The following NRK variants were observed in gnomAD, a reference collection of about 807,000 sequenced individuals.
NRK encodes the protein Nik related kinase, also known as nik-related protein kinase.
NRK carries 67 observed loss-of-function variants against 125.2 expected under a neutral mutation model. That is an observed-to-expected ratio of 0.54 (90% CI 0.44 to 0.66). NRK has a LOEUF of 0.66. Among genes scored for constraint, NRK ranks in the 30% least tolerant of loss-of-function variants. The pLI, the probability that NRK is intolerant of heterozygous loss-of-function variation, is 0.00. For synonymous variants in NRK, 458 were observed against 429.0 expected, an observed-to-expected ratio of 1.07 and a Z score of -0.84; for missense variants, 1,224 against 1,192.9, an observed-to-expected ratio of 1.03 and a Z score of -0.38.
intron 17 of NRK, 118 bp downstream of exon 17, chrX:105,922,179 A>G (rs1296036548): frequency 2.6e-6 from 1 of 384,376 alleles, no homozygotes; most frequent in Non-Finnish European, 4.6e-6. Context: ...TTTAATTAAC[A>G]TTTTAAGGAT....
At chrX:105,924,626 T>C in intron 18 of NRK, 69 bp from the exon 19 acceptor site, 1 of 901,506 alleles carries the variant, frequency 1.1e-6, no homozygotes, top group Non-Finnish European at 1.6e-6. Context: ...CTAATTCTGT[T>C]GTACTTGCTA....
At chrX:105,851,265 T>C (rs780793752) in intron 2 of NRK, among the ~76,000 whole-genome samples, 133 of 112,480 alleles carry the variant, frequency 1.2e-3, no homozygotes, top group African/African-American at 4.0e-3. Flanking sequence ...AAGATTTGGA[T>C]TGGGAACCAC....
At chrX:105,853,326 G>C (rs1036732407) in intron 2 of NRK, among the ~76,000 whole-genome samples, 2 of 111,964 alleles carry the variant, frequency 1.8e-5, no homozygotes, top group East Asian at 2.8e-4. Flanking sequence ...TCCGATGCAT[G>C]CACCAGATTG....
intron 5 of NRK, among the ~76,000 whole-genome samples, chrX:105,892,155 A>G (rs1265257765): frequency 8.9e-6 from 1 of 111,846 alleles, no homozygotes; most frequent in Non-Finnish European, 1.9e-5. Context: ...TGGTGCTTAC[A>G]ATCTATTTGC....
intron 3 of NRK, 50 bp from the exon 4 acceptor site, chrX:105,881,658 A>G: frequency 1.4e-6 from 1 of 723,546 alleles, no homozygotes; most frequent in South Asian, 2.5e-5. Flanking sequence ...AGCATAAATC[A>G]TTTTTAGAGT....
chrX:105,823,035 T>A, intron 1 of NRK, 133 bp downstream of exon 1: 2 of 611,555 alleles, frequency 3.3e-6, no homozygotes, highest in South Asian at 6.2e-5. Context: ...CGGAAGGGGA[T>A]CCTGGGAGCC....
In NRK at chrX:105,935,270, A is replaced by C; in HGVS notation, c.3600A>C (p.Leu1200=). ...TCTCTCCTGCATGTAAAAAACCACT[A>C]ATCCACATGTATGAAAAGGAGTTCA... is the stretch of plus-strand genomic sequence containing the variant. ...LYVSPACKKP[L]IHMYEKEFTS... Residue 1200 remains leucine, a synonymous_variant, in exon 21 of 29, where the codon CTA becomes CTC. Coordinates refer to ENST00000243300, the MANE Select transcript of NRK (RefSeq NM_198465.4). The C allele has an allele frequency of 8.3e-7, 1 of 1,200,048 alleles. No individual in the cohort carries two copies. Among genetic ancestry groups the C allele is most frequent in the Non-Finnish European group, 1.1e-6 (1 of 885,813 alleles).
chrX:105,832,030 CAGGGACTTG>C (rs1430603721), intron 2 of NRK, among the ~76,000 whole-genome samples: 2 of 111,437 alleles, frequency 1.8e-5, no homozygotes, highest in African/African-American at 3.3e-5. Context: ...CATTATATAT[CAGGGACTTG>C]AGCATGCCCT....
intron 20 of NRK, 112 bp from the exon 21 acceptor site, chrX:105,935,058 A>C: frequency 1.8e-6 from 1 of 559,774 alleles, no homozygotes; most frequent in Non-Finnish European, 2.9e-6. Context: ...TTTAAAAAAA[A>C]TTTTTCTATA....
At chrX:105,932,145 G>A (rs769253803) in intron 19 of NRK, among the ~76,000 whole-genome samples, 3 of 111,457 alleles carry the variant, frequency 2.7e-5, no homozygotes, top group Non-Finnish European at 5.6e-5. Context: ...CCACATTGCA[G>A]CATGTATCAG....
rs2040260075 is a variant in NRK at position 105,909,147 on chromosome X, G to T, written c.1506G>T (p.Gln502His). ...AGTCCCAGGTATCCAAAAAGCAGCAGGCCCAGACCCAGACATCAGAACCAC... is the reference window on the plus strand; with the variant it reads ...AGTCCCAGGTATCCAAAAAGCAGCATGCCCAGACCCAGACATCAGAACCAC... ...QVQSQVSKKQ[Q>H]AQTQTSEPQD... The change falls in exon 13 of 29, where the codon CAG (glutamine) becomes CAT (histidine). Residue 502 changes from glutamine to histidine, a missense_variant. By Grantham distance (24) the Gln-to-His change is conservative (BLOSUM62 0). Transcript: ENST00000243300. 1 of 1,209,540 alleles carries T rather than the reference G, an allele frequency of 8.3e-7. No homozygotes were observed. Among genetic ancestry groups the T allele is most frequent in the Non-Finnish European group, 1.1e-6 (1 of 895,056 alleles).
At chrX:105,948,401 G>T (rs2040846684) in intron 26 of NRK, 1 of 225,343 alleles carries the variant, frequency 4.4e-6, no homozygotes, top group Non-Finnish European at 7.8e-6. Flanking sequence ...TTCTGAGAAA[G>T]AATATAATAA....
At chrX:105,836,246 C>G (rs1239334110) in intron 2 of NRK, among the ~76,000 whole-genome samples, 2 of 111,761 alleles carry the variant, frequency 1.8e-5, no homozygotes, top group African/African-American at 6.5e-5. Flanking sequence ...TCATCAAAAG[C>G]AAAAAGTCCA....
At chrX:105,892,017 G>C (rs1266232791) in intron 5 of NRK, among the ~76,000 whole-genome samples, 1 of 111,181 alleles carries the variant, frequency 9.0e-6, no homozygotes, top group East Asian at 2.8e-4. Flanking sequence ...TCTCCTTACT[G>C]GATATGTATT....
intron 2 of NRK, among the ~76,000 whole-genome samples, chrX:105,876,399 T>G (rs772836575): frequency 9.0e-6 from 1 of 111,149 alleles, no homozygotes; most frequent in Admixed American, 9.6e-5. Context: ...TATACAATTT[T>G]TATTTATCAA....
chrX:105,932,196 T>C (rs1256714192), intron 19 of NRK, among the ~76,000 whole-genome samples: 2 of 112,299 alleles, frequency 1.8e-5, no homozygotes, highest in Non-Finnish European at 3.8e-5. Flanking sequence ...TTTTATCTTA[T>C]GCATTCACCA....
chrX:105,840,454 A>C (rs749026761), intron 2 of NRK, among the ~76,000 whole-genome samples: 2 of 111,686 alleles, frequency 1.8e-5, no homozygotes, highest in African/African-American at 3.2e-5. Flanking sequence ...AGGAAAAATA[A>C]ATTTAAATAT....
At chrX:105,864,562 A>G (rs1442033056) in intron 2 of NRK, among the ~76,000 whole-genome samples, 1 of 111,706 alleles carries the variant, frequency 9.0e-6, no homozygotes. Flanking sequence ...ATACATCTTA[A>G]GTAAAACACA....
chrX:105,945,755 G>C (rs2040803319), intron 24 of NRK, 117 bp from the exon 25 acceptor site: 2 of 590,631 alleles, frequency 3.4e-6, no homozygotes, highest in Admixed American at 6.2e-5. Flanking sequence ...ACCGTGATCT[G>C]ATCTTGGCAA....
Sources: gnomAD v4.1 joint callset for allele counts (sites outside exome capture counted in the v4.1 genomes callset) on GRCh38, gnomAD v4.1.1 for gene constraint, MANE v1.5 for transcripts, NCBI Gene and HGNC (gene_info 2026-07-23, HGNC 2026-07-21) for gene names.